ROR1: variants seen among roughly 807,000 people sequenced by gnomAD.
The protein encoded by ROR1 is ROR family WNT receptor 1.
Under a neutral mutation model 78.8 loss-of-function variants are expected in ROR1, and 19 were observed. That is an observed-to-expected ratio of 0.24 (90% CI 0.17 to 0.35). ROR1 has a LOEUF of 0.35. Among genes scored for constraint, ROR1 ranks in the 10% least tolerant of loss-of-function variants. The probability of loss-of-function intolerance (pLI) is 1.00; values close to 1 mark genes in which losing one functional copy is unlikely to be tolerated. For synonymous variants in ROR1, 386 were observed against 433.6 expected (o/e 0.89, Z 1.36); for missense variants, 917 against 1,177.8 (o/e 0.78, Z 3.24).
At chr1:64,121,728 G>A (rs1391513339) in intron 4 of ROR1, among the ~76,000 whole-genome samples, 1 of 152,124 alleles carries the variant, frequency 6.6e-6, no homozygotes, top group Non-Finnish European at 1.5e-5. Context: ...AGACTGCTCT[G>A]TTGCCCAGCC....
At chr1:63,943,093 TAAAAAAAAAA>T (rs56230309) in intron 1 of ROR1, among the ~76,000 whole-genome samples, 5 of 115,028 alleles carry the variant, frequency 4.3e-5, no homozygotes, top group African/African-American at 7.0e-5. Context: ...ACCCTGTCTT[TAAAAAAAAAA>T]AAAAAAAAAA....
intron 2 of ROR1, among the ~76,000 whole-genome samples, chr1:64,043,321 C>T (rs979863957): frequency 1.3e-5 from 2 of 152,224 alleles, no homozygotes; most frequent in African/African-American, 2.4e-5. Context: ...CTTCCATTTA[C>T]TTCATCAACC....
chr1:64,024,621 T>C (rs1249257268), intron 2 of ROR1, among the ~76,000 whole-genome samples: 2 of 152,222 alleles, frequency 1.3e-5, no homozygotes, highest in Non-Finnish European at 2.9e-5. Flanking sequence ...AGTAGGGTGA[T>C]GATAAATGCC....
chr1:64,038,945 C>G (rs1310351086), intron 2 of ROR1, among the ~76,000 whole-genome samples: 1 of 152,204 alleles, frequency 6.6e-6, no homozygotes, highest in Non-Finnish European at 1.5e-5. Context: ...GTAGCTCCTT[C>G]AGTCTTCATC....
chr1:64,027,854 AT>A (rs1646626980), intron 2 of ROR1, among the ~76,000 whole-genome samples: 1 of 151,860 alleles, frequency 6.6e-6, no homozygotes, highest in Non-Finnish European at 1.5e-5. Context: ...CATCCAGCTA[AT>A]TTTTGTATTT....
chr1:64,105,118 C>A (rs1315888031), intron 4 of ROR1, among the ~76,000 whole-genome samples: 1 of 152,156 alleles, frequency 6.6e-6, no homozygotes, highest in Non-Finnish European at 1.5e-5. Context: ...ACCTCACTAG[C>A]ATCTATTGTT....
chr1:64,060,643 A>T (rs1036895629), intron 4 of ROR1, among the ~76,000 whole-genome samples: 2 of 152,174 alleles, frequency 1.3e-5, no homozygotes, highest in African/African-American at 4.8e-5. Context: ...TCTTGTAGAG[A>T]GGAGACCAGG....
chr1:63,833,107 A>G (rs1644998904), intron 1 of ROR1, among the ~76,000 whole-genome samples: 1 of 152,222 alleles, frequency 6.6e-6, no homozygotes, highest in Admixed American at 6.5e-5. Flanking sequence ...GTGATTTCTC[A>G]GAACTCATAT....
chr1:64,028,025 G>A (rs962857883), intron 2 of ROR1, among the ~76,000 whole-genome samples: 6 of 152,102 alleles, frequency 3.9e-5, no homozygotes, highest in African/African-American at 1.4e-4. Context: ...ATGGCTGTTG[G>A]CAGGAAAACA....
At chr1:63,909,920 A>G (rs1645557144) in intron 1 of ROR1, among the ~76,000 whole-genome samples, 1 of 152,190 alleles carries the variant, frequency 6.6e-6, no homozygotes, top group Admixed American at 6.5e-5. Context: ...GTTCTCTAAT[A>G]TGAAAGAATT....
intron 2 of ROR1, among the ~76,000 whole-genome samples, chr1:64,017,155 C>T (rs955921166): frequency 6.6e-5 from 10 of 152,060 alleles, no homozygotes; most frequent in Admixed American, 5.2e-4. Flanking sequence ...AATCTGCCCC[C>T]TCGGCCCCCC....
At chr1:63,941,894 C>G (rs1645843670) in intron 1 of ROR1, among the ~76,000 whole-genome samples, 2 of 152,190 alleles carry the variant, frequency 1.3e-5, no homozygotes, top group African/African-American at 4.8e-5. Context: ...TCATGAGCCT[C>G]CGGGTGCCAG....
intron 1 of ROR1, among the ~76,000 whole-genome samples, chr1:64,006,122 A>C (rs929585951): frequency 6.6e-6 from 1 of 152,262 alleles, no homozygotes; most frequent in Non-Finnish European, 1.5e-5. Flanking sequence ...ACCAAGTGAC[A>C]TATAGCTAAC....
At chr1:64,139,452 C>A (rs780376000) in intron 5 of ROR1, among the ~76,000 whole-genome samples, 1 of 152,092 alleles carries the variant, frequency 6.6e-6, no homozygotes, top group Non-Finnish European at 1.5e-5. Context: ...TTGTCAATAG[C>A]GGTATTCAAA....
intron 1 of ROR1, among the ~76,000 whole-genome samples, chr1:63,922,931 C>T (rs1645669076): frequency 6.6e-6 from 1 of 152,082 alleles, no homozygotes. Context: ...AGTGACCATC[C>T]GGCTAAGAAA....
At chr1:63,836,496 G>T (rs1337285212) in intron 1 of ROR1, among the ~76,000 whole-genome samples, 1 of 152,130 alleles carries the variant, frequency 6.6e-6, no homozygotes, top group African/African-American at 2.4e-5. Context: ...ATAATTAGCA[G>T]GGGGGAATTC....
At chr1:64,114,733 T>C (rs112751408) in intron 4 of ROR1, among the ~76,000 whole-genome samples, 3 of 152,074 alleles carry the variant, frequency 2.0e-5, no homozygotes, top group African/African-American at 7.2e-5. Context: ...TGGTGAACGA[T>C]GAGGGAATCA....
intron 1 of ROR1, among the ~76,000 whole-genome samples, chr1:63,790,689 A>AGGT (rs1644720923): frequency 6.6e-6 from 1 of 152,116 alleles, no homozygotes; most frequent in Admixed American, 6.5e-5. Flanking sequence ...CTGGGAATAG[A>AGGT]GGTGGTGAAT....
intron 1 of ROR1, among the ~76,000 whole-genome samples, chr1:63,945,446 TA>T (rs1156897619): frequency 6.6e-6 from 1 of 152,244 alleles, no homozygotes; most frequent in Non-Finnish European, 1.5e-5. Flanking sequence ...GGAATTGATT[TA>T]ATGATCTGTT....
Sources: allele counts gnomAD v4.1 joint callset (sites outside exome capture counted in the v4.1 genomes callset), GRCh38; gene constraint gnomAD v4.1.1; transcripts MANE v1.5; gene names NCBI Gene and HGNC (gene_info 2026-07-23, HGNC 2026-07-21).